The following CEP135 variants were observed in gnomAD, a reference collection of about 807,000 sequenced individuals.
The protein encoded by CEP135 is centrosomal protein 135, also known as centrosomal protein of 135 kDa.
In CEP135, 142 loss-of-function variants were observed where a neutral mutation model predicts 157.3. The ratio of observed to expected loss-of-function variants is 0.90; its 90% confidence interval spans 0.79 to 1.04. The LOEUF is 1.04. Among genes scored for constraint, CEP135 ranks in the 50% least tolerant of loss-of-function variants. The probability of loss-of-function intolerance (pLI) is 0.00; values close to 1 mark genes in which losing one functional copy is unlikely to be tolerated. For synonymous variants in CEP135, 396 were observed against 439.8 expected (o/e 0.90, Z 1.25); for missense variants, 1,317 against 1,309.2 (o/e 1.01, Z -0.09).
chr4:55,952,962 G>A (rs1274311750), intron 2 of CEP135, 123 bp from the exon 3 acceptor site: 10 of 803,726 alleles, frequency 1.2e-5, no homozygotes, highest in Non-Finnish European at 1.8e-5. Flanking sequence ...TATGTGGTCT[G>A]TCGTTGACCA....
chr4:56,011,613 TTAAAG>T, intron 20 of CEP135, 91 bp downstream of exon 20: 1 of 1,032,670 alleles, frequency 9.7e-7, no homozygotes, highest in South Asian at 1.5e-5. Flanking sequence ...ATTAAACATT[TTAAAG>T]TAGAGATCTT....
chr4:55,982,488 C>T (rs1013084061), intron 13 of CEP135, among the ~76,000 whole-genome samples: 10 of 152,262 alleles, frequency 6.6e-5, no homozygotes, highest in African/African-American at 2.4e-4. Context: ...GAAATGTCTC[C>T]ATTGTGGCTT....
intron 11 of CEP135, among the ~76,000 whole-genome samples, chr4:55,977,543 C>T (rs1236725846): frequency 6.6e-6 from 1 of 152,140 alleles, no homozygotes. Context: ...GCTAATTTGT[C>T]AGTTTTATTT....
chr4:56,022,243 C>G (rs1245958579), intron 24 of CEP135, among the ~76,000 whole-genome samples: 1 of 152,176 alleles, frequency 6.6e-6, no homozygotes, highest in Admixed American at 6.6e-5. Context: ...GACTTCCCCA[C>G]AGTTCCTCCC....
intron 10 of CEP135, among the ~76,000 whole-genome samples, chr4:55,971,654 CCTT>C (rs1278092862): frequency 6.6e-6 from 1 of 151,566 alleles, no homozygotes; most frequent in Non-Finnish European, 1.5e-5. Context: ...AGAAATGTGT[CCTT>C]CTTTGAGACA....
At chr4:55,978,857 T>G (rs1292291826) in intron 11 of CEP135, among the ~76,000 whole-genome samples, 4 of 152,220 alleles carry the variant, frequency 2.6e-5, no homozygotes, top group African/African-American at 9.6e-5. Context: ...GCCCAGACTT[T>G]TTAAATTTAG....
chr4:56,024,764 A>G lies in CEP135; in HGVS notation c.*11+150A>G, dbSNP rs79684519. On this transcript the variant is annotated intron_variant, in intron 25 of 25. Transcript: ENST00000257287. ...TGGAAAAGTTCTATATCTTGGTGATAGTAGTTATGTGGGTATATACAATTG... is the reference window on the plus strand; with the variant it reads ...TGGAAAAGTTCTATATCTTGGTGATGGTAGTTATGTGGGTATATACAATTG... 53,501 of 588,034 alleles carry G rather than the reference A, an allele frequency of 0.091. 3,123 individuals are homozygous for G. The highest frequency in any genetic ancestry group is 0.15 in the South Asian group (7,339 of 47,832). The allele number at this position is 588,034 out of a possible 1,614,324, so 36.4% of individuals were successfully genotyped here.
chr4:55,964,798 TTTCTTTTTTAAA>T (rs1489223357), intron 7 of CEP135: 1 of 151,702 alleles, frequency 6.6e-6, no homozygotes, highest in East Asian at 1.9e-4. Flanking sequence ...GTTTTCTCTT[TTTCTTTTTTAAA>T]ATTTTTATGA....
chr4:55,996,708 C>G (rs2109709358), intron 15 of CEP135, among the ~76,000 whole-genome samples: 1 of 151,728 alleles, frequency 6.6e-6, no homozygotes, highest in South Asian at 2.1e-4. Context: ...CCACATCAGT[C>G]TCCGTCTTTT....
At chr4:56,011,768 A>G (rs1257240620) in intron 20 of CEP135, 32 bp from the exon 21 acceptor site, 10 of 1,529,460 alleles carry the variant, frequency 6.5e-6, no homozygotes, top group Non-Finnish European at 8.8e-6. Context: ...ACAATTACTA[A>G]TTTAGAAACA....
intron 12 of CEP135, 46 bp from the exon 13 acceptor site, chr4:55,981,181 C>T: frequency 6.6e-7 from 1 of 1,518,494 alleles, no homozygotes; most frequent in African/African-American, 1.4e-5. Flanking sequence ...TTATTTATAT[C>T]TTTTACTAAA....
At chr4:56,006,281 T>C (rs1730343257) in intron 17 of CEP135, among the ~76,000 whole-genome samples, 1 of 152,236 alleles carries the variant, frequency 6.6e-6, no homozygotes, top group African/African-American at 2.4e-5. Flanking sequence ...TTTGTTGTTG[T>C]TGTTCTCCTT....
At chr4:55,991,481 G>A (rs1463210023) in intron 14 of CEP135, among the ~76,000 whole-genome samples, 1 of 151,852 alleles carries the variant, frequency 6.6e-6, no homozygotes, top group Non-Finnish European at 1.5e-5. Context: ...ACATTGTGTT[G>A]CCTGTACATT....
chr4:55,954,977 A>G (rs1343406309), intron 4 of CEP135, among the ~76,000 whole-genome samples: 2 of 152,044 alleles, frequency 1.3e-5, no homozygotes, highest in Non-Finnish European at 1.5e-5. Flanking sequence ...GCTACTTGGG[A>G]GGCTGAGGTG....
At chr4:56,006,620 AAAAATAT>A (rs1179766371) in intron 17 of CEP135, among the ~76,000 whole-genome samples, 12 of 152,262 alleles carry the variant, frequency 7.9e-5, no homozygotes, top group African/African-American at 2.9e-4. Flanking sequence ...CCTGTCTCAA[AAAAATAT>A]ATTAAAAATT....
chr4:55,973,129 T>G (rs949528281), intron 10 of CEP135, among the ~76,000 whole-genome samples: 12 of 152,256 alleles, frequency 7.9e-5, no homozygotes, highest in Non-Finnish European at 1.3e-4. Flanking sequence ...CCCTGTGTTT[T>G]GGGTGCATCC....
intron 17 of CEP135, among the ~76,000 whole-genome samples, chr4:56,004,692 G>A (rs916977040): frequency 9.9e-5 from 15 of 151,938 alleles, no homozygotes; most frequent in Non-Finnish European, 1.6e-4. Flanking sequence ...TCTTTGACTT[G>A]TAGGCTACTT....
intron 13 of CEP135, among the ~76,000 whole-genome samples, chr4:55,981,859 G>C (rs2109685669): frequency 6.6e-6 from 1 of 152,216 alleles, no homozygotes; most frequent in East Asian, 1.9e-4. Flanking sequence ...AAAAATGTAA[G>C]TCGGAAAAAA....
At position 56,011,442 on chromosome 4, in the gene CEP135, C is replaced by CA. The variant is rs1217921648; in HGVS notation, c.2538dup (p.Glu847ArgfsTer11). 2 of 1,611,272 alleles carry CA rather than the reference C, an allele frequency of 1.2e-6. No individual in the cohort carries two copies. Among genetic ancestry groups the CA allele is most frequent in the African/African-American group, 1.3e-5 (1 of 74,574 alleles). On this transcript the variant is annotated frameshift_variant, in exon 20 of 26. Coordinates refer to ENST00000257287, the MANE Select transcript of CEP135 (RefSeq NM_025009.5). LOFTEE classifies it high-confidence loss of function. ...CTCATTGGAATTGGAAGCAGCAGTG[C>CA]AAGAAAAAGAAGAAATGAAGAGCAG...
Sources: gnomAD v4.1 joint callset for allele counts (sites outside exome capture counted in the v4.1 genomes callset) on GRCh38, gnomAD v4.1.1 for gene constraint, MANE v1.5 for transcripts, NCBI Gene and HGNC (gene_info 2026-07-23, HGNC 2026-07-21) for gene names.